The following CYB561 variants were observed in gnomAD, a reference collection of about 807,000 sequenced individuals.
CYB561 encodes cytochrome b561.
In CYB561, 11 loss-of-function variants were observed where a neutral mutation model predicts 25.3. That is an observed-to-expected ratio of 0.44 (90% CI 0.27 to 0.72). The LOEUF is 0.72. CYB561 is among the 30% of genes least tolerant of loss of function. The pLI is 0.18. For missense variants in CYB561, 295 were observed against 334.9 expected, an observed-to-expected ratio of 0.88 and a Z score of 0.93; for synonymous variants, 165 against 158.8, an observed-to-expected ratio of 1.04 and a Z score of -0.29.
intron 1 of CYB561, among the ~76,000 whole-genome samples, chr17:63,444,394 GC>G (rs1449445946): frequency 6.6e-6 from 1 of 152,230 alleles, no homozygotes; most frequent in Non-Finnish European, 1.5e-5. Flanking sequence ...GATATCTGGA[GC>G]TACCTTATTG....
At position 63,434,501 on chromosome 17, in the gene CYB561, C is replaced by G. The variant is rs1568021601; in HGVS notation, c.657G>C (p.Leu219Phe). ...ACFGGAVLYI[L>F]TRADWKRPSQ... ...AAGGCCGCTTCCAGTCGGCCCGGGT[C>G]AAGATGTAGAGCACCGCCCCACCGA... Residue 219 changes from leucine to phenylalanine, a missense_variant, in exon 6 of 6, where the codon TTG becomes TTC. Transcript: ENST00000360793. 6.2e-7 allele frequency: 1 copy of G among 1,613,438 alleles called. No individual in the cohort carries two copies. The highest frequency in any genetic ancestry group is 1.1e-5 in the South Asian group (1 of 90,962).
chr17:63,437,368 G>T lies in CYB561; in HGVS notation c.180C>A (p.Gly60=). The change falls in exon 2 of 6, where the codon GGC becomes GGA. Residue 60 remains glycine (G), a synonymous_variant. Transcript: ENST00000360793. ...FNAHPLCMVI[G]LIFLQGNALL... ...CACCATTTCCCTGCAGGAAGATCAG[G>T]CCTATGACCATGCAGAGGGGGTGCG... The T allele has an allele frequency of 6.2e-7, 1 of 1,613,944 alleles. No individual in the cohort carries two copies. Among genetic ancestry groups the T allele is most frequent in the Non-Finnish European group, 8.5e-7 (1 of 1,179,890 alleles).
intron 4 of CYB561, 63 bp from the exon 5 acceptor site, chr17:63,435,306 G>C: frequency 6.4e-7 from 1 of 1,567,278 alleles, no homozygotes; most frequent in South Asian, 1.2e-5. Context: ...GCCGAGGTCG[G>C]CCAGGCCCAC....
At chr17:63,442,242 G>A (rs987473955) in intron 1 of CYB561, among the ~76,000 whole-genome samples, 2 of 152,204 alleles carry the variant, frequency 1.3e-5, no homozygotes, top group Admixed American at 6.5e-5. Context: ...CAGGACTCTC[G>A]TGAGGCCATT....
At position 63,433,664 on chromosome 17, in the gene CYB561, C is replaced by T; in HGVS notation, c.*738G>A. 5.7e-6 allele frequency: 2 copies of T among 352,850 alleles called. No homozygotes were observed. Among genetic ancestry groups the T allele is most frequent in the Non-Finnish European group, 1.0e-5 (2 of 198,238 alleles). The allele number at this position is 352,850 out of a possible 1,614,324, so 21.9% of individuals were successfully genotyped here. On this transcript the variant is annotated 3_prime_UTR_variant, in exon 6 of 6. Coordinates refer to ENST00000360793, the MANE Select transcript of CYB561 (RefSeq NM_001915.4). ...CAGCAGGAAGGGGCTGCAAGGTGCC[C>T]CCCATCCCCAACCCCCATGTCTGGA...
At chr17:63,444,869 T>C (rs2049408498) in intron 1 of CYB561, among the ~76,000 whole-genome samples, 1 of 152,048 alleles carries the variant, frequency 6.6e-6, no homozygotes. Flanking sequence ...GGAAAAGTGG[T>C]GAGGGCAGAA....
Position 63,436,948 on chromosome 17 carries a change from C to G in CYB561, c.202+398G>C. ...GGGAGGCGCTCTAGCTCTGCCAAGTCCAAGACCAACAACACACATGCGCGC... is the reference window on the plus strand; with the variant it reads ...GGGAGGCGCTCTAGCTCTGCCAAGTGCAAGACCAACAACACACATGCGCGC... On this transcript the variant is annotated intron_variant, in intron 2 of 5. Transcript: ENST00000360793. This position sits in a 1 kb window ranked among gnomAD's most constrained non-coding sequence, Gnocchi z 4.8. 1 of 206,308 alleles carries G rather than the reference C, an allele frequency of 4.8e-6. No homozygotes were observed. Among genetic ancestry groups the G allele is most frequent in the Non-Finnish European group, 1.0e-5 (1 of 100,002 alleles). 12.8% of individuals were successfully genotyped at this position (206,308 alleles called of 1,614,324 possible). A position where few individuals can be genotyped will look rare whatever the true frequency, so the allele number is the denominator to read the frequency against.
chr17:63,437,442 C>G lies in CYB561; in HGVS notation c.106G>C (p.Gly36Arg). The change falls in exon 2 of 6, where the codon GGG becomes CGG. Residue 36 changes from glycine to arginine, a missense_variant. By Grantham distance (125) the Gly-to-Arg change is moderately radical (BLOSUM62 -2). Transcript: ENST00000360793. ...TLVAMTGAWL[G>R]LYRGGIAWES... ...CAGGCAATGCCGCCTCGGTACAGCCCGAGCCACGCGCCGGTCATGGCCACC... is the reference window on the plus strand; with the variant it reads ...CAGGCAATGCCGCCTCGGTACAGCCGGAGCCACGCGCCGGTCATGGCCACC... The G allele has an allele frequency of 6.2e-7, 1 of 1,613,982 alleles. No individual in the cohort carries two copies. Among genetic ancestry groups the G allele is most frequent in the Non-Finnish European group, 8.5e-7 (1 of 1,179,974 alleles).
At chr17:63,435,278 C>G (rs201695420) in intron 4 of CYB561, 35 bp from the exon 5 acceptor site, 1 of 1,602,680 alleles carries the variant, frequency 6.2e-7, no homozygotes, top group Non-Finnish European at 8.5e-7. Context: ...CGGGACAGGG[C>G]GGCCGGACAC....
Position 63,433,052 on chromosome 17 carries a change from T to TG in CYB561, c.*1349_*1350insC. The TG allele has an allele frequency of 4.4e-6, 1 of 225,298 alleles. No individual in the cohort carries two copies. The highest frequency in any genetic ancestry group is 8.6e-6 in the Non-Finnish European group (1 of 116,504). The allele number at this position is 225,298 out of a possible 1,614,324, so 14.0% of individuals were successfully genotyped here. ...GATCCAAGAAGCACATGATCGGTGT[T>TG]CTTTTTTTTTTCTTTTTTGAGCCTG... On this transcript the variant is annotated 3_prime_UTR_variant, in exon 6 of 6. Coordinates refer to ENST00000360793, the MANE Select transcript of CYB561 (RefSeq NM_001915.4).
chr17:63,437,914 A>G, intron 1 of CYB561: 2 of 394,862 alleles, frequency 5.1e-6, no homozygotes, highest in African/African-American at 2.7e-5. Context: ...CCCCCCACGG[A>G]TGCGCACAGC....
At chr17:63,441,796 T>G (rs1038606399) in intron 1 of CYB561, among the ~76,000 whole-genome samples, 1 of 152,242 alleles carries the variant, frequency 6.6e-6, no homozygotes, top group Non-Finnish European at 1.5e-5. Context: ...CTGAGGAAGC[T>G]GCTTTGACGC....
chr17:63,437,477 C>A lies in CYB561; in HGVS notation c.71G>T (p.Gly24Val). 6.2e-7 allele frequency: 1 copy of A among 1,613,842 alleles called. No homozygotes were observed. The highest frequency in any genetic ancestry group is 8.5e-7 in the Non-Finnish European group (1 of 1,179,968). ...PYYVAFSQLL[G>V]LTLVAMTGAW... ...GCCGGTCATGGCCACCAAGGTCAGG[C>A]CCAGCAGCTGGGAGAAGGCCACGTA... Residue 24 changes from glycine (G) to valine (V), a missense_variant, in exon 2 of 6, where the codon GGC (glycine) becomes GTC (valine). Gly to Val is a moderately radical substitution (Grantham distance 109, BLOSUM62 -3). Transcript: ENST00000360793.
chr17:63,440,299 C>A (rs916619585), intron 1 of CYB561: 2 of 398,594 alleles, frequency 5.0e-6, no homozygotes, highest in African/African-American at 4.1e-5. Flanking sequence ...GGCTGCCCTT[C>A]TTCCGGGCCC....
At chr17:63,443,088 G>A (rs574312377) in intron 1 of CYB561, among the ~76,000 whole-genome samples, 2 of 152,296 alleles carry the variant, frequency 1.3e-5, no homozygotes, top group Admixed American at 1.3e-4. Context: ...GGGTGAAGGG[G>A]AAAACAGCTC....
In CYB561 at chr17:63,436,081, T is replaced by G; in HGVS notation, c.274A>C (p.Ile92Leu). 6.2e-7 allele frequency: 1 copy of G among 1,614,160 alleles called. No homozygotes were observed. Among genetic ancestry groups the G allele is most frequent in the Non-Finnish European group, 8.5e-7 (1 of 1,180,008 alleles). ...TTKVLHGLLHIFALVIALVGL... is the reference protein window; with the variant it reads ...TTKVLHGLLHLFALVIALVGL... ...ACCAGGGCGATGACGAGCGCAAAGA[T>G]GTGCAGCAGCCCGTGCAGGACCTTG... Residue 92 changes from isoleucine to leucine, a missense_variant, in exon 3 of 6, where the codon ATC becomes CTC. Coordinates refer to ENST00000360793, the MANE Select transcript of CYB561 (RefSeq NM_001915.4). The surrounding 1 kb of genome is among the most constrained non-coding windows in gnomAD (Gnocchi z 4.8).
intron 3 of CYB561, 107 bp downstream of exon 3, chr17:63,435,947 G>C (rs1408112877): frequency 1.3e-6 from 2 of 1,597,878 alleles, no homozygotes; most frequent in Non-Finnish European, 1.7e-6. Context: ...TTGGGGTGGG[G>C]GCGGGCCCAT....
In CYB561 at chr17:63,433,975, G is replaced by T; in HGVS notation, c.*427C>A. On this transcript the variant is annotated 3_prime_UTR_variant, in exon 6 of 6. Coordinates refer to ENST00000360793, the MANE Select transcript of CYB561 (RefSeq NM_001915.4). ...GTGCCACGTGTTATTCAGGCTGGAG[G>T]GACTCCTTGTTTGAATTCAGCAGCC... The T allele has an allele frequency of 5.2e-6, 1 of 193,560 alleles. No individual in the cohort carries two copies. Among genetic ancestry groups the T allele is most frequent in the South Asian group, 1.9e-4 (1 of 5,404 alleles). 12.0% of individuals were successfully genotyped at this position (193,560 alleles called of 1,614,324 possible).
chr17:63,439,565 G>T (rs932839595), intron 1 of CYB561, among the ~76,000 whole-genome samples: 1 of 151,800 alleles, frequency 6.6e-6, no homozygotes, highest in Non-Finnish European at 1.5e-5. Flanking sequence ...AAAAAAAAGG[G>T]TGTGTGTGTG....
Sources: gnomAD v4.1 joint callset for allele counts (sites outside exome capture counted in the v4.1 genomes callset) on GRCh38, gnomAD v4.1.1 for gene constraint, Gnocchi (gnomAD v3.1) non-coding constraint, MANE v1.5 for transcripts, NCBI Gene and HGNC (gene_info 2026-07-23, HGNC 2026-07-21) for gene names.